The following ENPP1 variants were observed in gnomAD, a reference collection of about 807,000 sequenced individuals.
The protein encoded by ENPP1 is ectonucleotide pyrophosphatase/phosphodiesterase family member 1.
A neutral mutation model predicts 122.8 loss-of-function variants in ENPP1; 73 were observed. The ratio of observed to expected loss-of-function variants is 0.59; its 90% CI spans 0.49 to 0.72. The LOEUF is 0.72. Among genes scored for constraint, ENPP1 ranks in the 30% least tolerant of loss-of-function variants. The pLI is 0.00. For missense variants in ENPP1, 978 were observed against 1,128.1 expected, an observed-to-expected ratio of 0.87 and a Z score of 1.91; for synonymous variants, 367 against 391.6, an observed-to-expected ratio of 0.94 and a Z score of 0.74.
intron 1 of ENPP1, chr6:131,826,271 C>G: frequency 8.2e-7 from 1 of 1,221,248 alleles, no homozygotes; most frequent in Non-Finnish European, 1.2e-6. Flanking sequence ...TTGGTTACAG[C>G]ACAGTACTGC....
chr6:131,832,880 T>C (rs1381201435), intron 1 of ENPP1, among the ~76,000 whole-genome samples: 1 of 152,246 alleles, frequency 6.6e-6, no homozygotes, highest in African/African-American at 2.4e-5. Flanking sequence ...AGAGCAAGTA[T>C]TCCAGTGATG....
chr6:131,862,930 C>T (rs901003757), intron 9 of ENPP1, among the ~76,000 whole-genome samples: 9 of 150,524 alleles, frequency 6.0e-5, no homozygotes, highest in African/African-American at 1.2e-4. Flanking sequence ...TTTTTCTGGG[C>T]GGTGGGGAAG....
Position 131,877,145 on chromosome 6 carries a change from G to A in ENPP1, c.1877G>A (p.Cys626Tyr). ...AGAAACCCCAGAGATAACCTTGGCT[G>A]CTCATGTAACCCTTCGGTAAGTATC... ...FTRNPRDNLG[C>Y]SCNPSILPIE... The change falls in exon 18 of 25, where the codon TGC becomes TAC. Residue 626 changes from cysteine (C) to tyrosine (Y), a missense_variant. Transcript: ENST00000647893. The A allele has an allele frequency of 5.6e-6, 9 of 1,613,742 alleles. No individual in the cohort carries two copies. Among genetic ancestry groups the A allele is most frequent in the Non-Finnish European group, 7.6e-6 (9 of 1,179,846 alleles).
chr6:131,834,883 G>A (rs141454813), intron 1 of ENPP1, among the ~76,000 whole-genome samples: 6 of 152,248 alleles, frequency 3.9e-5, no homozygotes, highest in South Asian at 2.1e-4. Context: ...TAAGAGAAGA[G>A]GGTACAGGAT....
intron 1 of ENPP1, among the ~76,000 whole-genome samples, chr6:131,811,576 GT>G (rs1459835825): frequency 6.6e-6 from 1 of 152,084 alleles, no homozygotes; most frequent in African/African-American, 2.4e-5. Context: ...TTCCTAAGTT[GT>G]TTATCAAGCA....
At chr6:131,862,026 A>G (rs1585824480) in intron 9 of ENPP1, among the ~76,000 whole-genome samples, 1 of 152,088 alleles carries the variant, frequency 6.6e-6, no homozygotes, top group Admixed American at 6.6e-5. Flanking sequence ...AAAATTAGCC[A>G]GGCGTGATGG....
At chr6:131,862,086 T>C (rs113755193) in intron 9 of ENPP1, among the ~76,000 whole-genome samples, 15 of 152,180 alleles carry the variant, frequency 9.9e-5, no homozygotes, top group African/African-American at 3.4e-4. Flanking sequence ...GGAGAATCAC[T>C]TGAACCTGTG....
In ENPP1 at chr6:131,854,969, A is replaced by C; in HGVS notation, c.661A>C (p.Arg221=). 1 of 1,613,710 alleles carries C rather than the reference A, an allele frequency of 6.2e-7. No individual in the cohort carries two copies. Among genetic ancestry groups the C allele is most frequent in the South Asian group, 1.1e-5 (1 of 91,076 alleles). The change falls in exon 6 of 25, where the codon AGG becomes CGG. Residue 221 remains arginine (R), a synonymous_variant. Coordinates refer to ENST00000647893, the MANE Select transcript of ENPP1 (RefSeq NM_006208.3). ...CCTCTTATTTTCTTTGGATGGATTC[A>C]GGGCAGAATATTTACACACTTGGGG... ...PTLLFSLDGF[R]AEYLHTWGGL...
intron 19 of ENPP1, among the ~76,000 whole-genome samples, chr6:131,879,113 A>G (rs568623811): frequency 1.1e-4 from 17 of 152,070 alleles, no homozygotes; most frequent in African/African-American, 4.1e-4. Flanking sequence ...CTTGGCACAC[A>G]TTTTTTTTCT....
At position 131,893,653 on chromosome 6, in the gene ENPP1, CTG is replaced by C. The variant is rs1782501405; in HGVS notation, c.*3144_*3145del. 1 of 152,188 alleles carries C rather than the reference CTG, an allele frequency of 6.6e-6. No individual in the cohort carries two copies. The highest frequency in any genetic ancestry group is 2.4e-5 in the African/African-American group (1 of 41,446). 9.4% of individuals were successfully genotyped at this position (152,188 alleles called of 1,614,324 possible). ...TGTCAGTCTCTACATTCTATGCTGA[CTG>C]TTAAGGAAAGAGCACCCACATCTGC... On this transcript the variant is annotated 3_prime_UTR_variant, in exon 25 of 25. Coordinates refer to ENST00000647893, the MANE Select transcript of ENPP1 (RefSeq NM_006208.3).
chr6:131,894,607 AT>A lies in ENPP1; in HGVS notation c.*4099del, dbSNP rs1782522521. 6.6e-6 allele frequency: 1 copy of A among 152,180 alleles called. No homozygotes were observed. The highest frequency in any genetic ancestry group is 2.4e-5 in the African/African-American group (1 of 41,426). 9.4% of individuals were successfully genotyped at this position (152,180 alleles called of 1,614,324 possible). A position where few individuals can be genotyped will look rare whatever the true frequency, so the allele number is the denominator to read the frequency against. ...GTGAGGTAAGTAACTTCCATAGAAAATTTCCATCAGTTCATTCATGAAAGAA... is the reference window on the plus strand; with the variant it reads ...GTGAGGTAAGTAACTTCCATAGAAAATTCCATCAGTTCATTCATGAAAGAA... On this transcript the variant is annotated 3_prime_UTR_variant, in exon 25 of 25. Transcript: ENST00000647893.
At chr6:131,856,267 T>G (rs1334427779) in intron 6 of ENPP1, among the ~76,000 whole-genome samples, 3 of 152,056 alleles carry the variant, frequency 2.0e-5, no homozygotes, top group Non-Finnish European at 4.4e-5. Flanking sequence ...TCATGTGTTT[T>G]TTGGCTGCAT....
At chr6:131,811,639 A>G (rs908962754) in intron 1 of ENPP1, among the ~76,000 whole-genome samples, 3 of 152,112 alleles carry the variant, frequency 2.0e-5, no homozygotes, top group Non-Finnish European at 4.4e-5. Context: ...TCTTTGTATC[A>G]CACATTCCAG....
At chr6:131,846,303 T>C (rs1182555139) in intron 1 of ENPP1, among the ~76,000 whole-genome samples, 1 of 152,172 alleles carries the variant, frequency 6.6e-6, no homozygotes, top group East Asian at 1.9e-4. Context: ...CTCCACCCAT[T>C]GTCCATTCCC....
intron 1 of ENPP1, among the ~76,000 whole-genome samples, chr6:131,825,380 G>A (rs9375830): frequency 0.3 from 44,930 of 151,976 alleles, 7,999 homozygotes; most frequent in African/African-American, 0.5. Context: ...GTTCACTCCA[G>A]GATGATAACC....
intron 4 of ENPP1, 175 bp downstream of exon 4, chr6:131,851,442 AG>A (rs1470181476): frequency 5.8e-6 from 4 of 694,490 alleles, no homozygotes; most frequent in Middle Eastern, 4.1e-4. Flanking sequence ...ACATGGGGAG[AG>A]AGAGTATGTA....
At chr6:131,842,805 C>T (rs959389083) in intron 1 of ENPP1, among the ~76,000 whole-genome samples, 4 of 152,020 alleles carry the variant, frequency 2.6e-5, no homozygotes, top group East Asian at 1.9e-4. Context: ...TGTGGACACT[C>T]GTATTTCAAT....
intron 1 of ENPP1, among the ~76,000 whole-genome samples, chr6:131,834,139 T>A (rs753379631): frequency 7.9e-5 from 12 of 152,218 alleles, no homozygotes; most frequent in Non-Finnish European, 1.3e-4. Flanking sequence ...GACCTTTAAC[T>A]TCAGAGAGAA....
intron 24 of ENPP1, among the ~76,000 whole-genome samples, chr6:131,889,051 T>C (rs1170286913): frequency 1.3e-5 from 2 of 152,172 alleles, no homozygotes; most frequent in East Asian, 3.9e-4. Context: ...TCTTTGTAGG[T>C]AACACATTCT....
Sources: allele counts gnomAD v4.1 joint callset (sites outside exome capture counted in the v4.1 genomes callset), GRCh38; gene constraint gnomAD v4.1.1; transcripts MANE v1.5; gene names NCBI Gene and HGNC (gene_info 2026-07-23, HGNC 2026-07-21).